ATP8A2: variants seen among roughly 807,000 people sequenced by gnomAD.
ATP8A2 encodes ATPase phospholipid transporting 8A2.
In ATP8A2, 100 loss-of-function variants were observed where a neutral mutation model predicts 165.6. The ratio of observed to expected loss-of-function variants is 0.60; its 90% CI spans 0.51 to 0.71. The LOEUF is 0.71. Ranked by LOEUF, ATP8A2 falls within the 30% of genes least tolerant of loss-of-function variation. ATP8A2 has a pLI of 0.00. For missense variants in ATP8A2, 1,227 were observed against 1,479.5 expected (o/e 0.83, Z 2.80); for synonymous variants, 543 against 548.8 (o/e 0.99, Z 0.15).
intron 33 of ATP8A2, among the ~76,000 whole-genome samples, chr13:25,876,998 A>G (rs1010325761): frequency 6.6e-6 from 1 of 152,168 alleles, no homozygotes; most frequent in Non-Finnish European, 1.5e-5. Context: ...TAAATAATTA[A>G]CAAACTTGTC....
chr13:25,909,570 A>G (rs1465317502), intron 33 of ATP8A2, among the ~76,000 whole-genome samples: 2 of 152,236 alleles, frequency 1.3e-5, no homozygotes, highest in Non-Finnish European at 2.9e-5. Flanking sequence ...AAAATACGTA[A>G]TACAATATTT....
At chr13:25,800,829 A>G (rs1950607940) in intron 27 of ATP8A2, among the ~76,000 whole-genome samples, 2 of 152,134 alleles carry the variant, frequency 1.3e-5, no homozygotes, top group Admixed American at 1.3e-4. Flanking sequence ...AAGGTGTTAC[A>G]GGAGAGATGG....
At chr13:25,576,908 G>A (rs1389201665) in intron 19 of ATP8A2, among the ~76,000 whole-genome samples, 161 bp from the exon 20 acceptor site, 1 of 152,110 alleles carries the variant, frequency 6.6e-6, no homozygotes, top group African/African-American at 2.4e-5. Context: ...AAGAGTAGGA[G>A]ATACACAGTT....
At chr13:25,478,062 C>G (rs979397231) in intron 2 of ATP8A2, among the ~76,000 whole-genome samples, 40 of 152,212 alleles carry the variant, frequency 2.6e-4, no homozygotes, top group African/African-American at 9.6e-4. Context: ...ATGTTTGGAT[C>G]TTTAATTGGA....
At chr13:25,670,391 G>A (rs936422988) in intron 24 of ATP8A2, among the ~76,000 whole-genome samples, 1 of 152,184 alleles carries the variant, frequency 6.6e-6, no homozygotes, top group Non-Finnish European at 1.5e-5. Context: ...GTTGAGCCCT[G>A]GGAGCTGGAT....
intron 2 of ATP8A2, among the ~76,000 whole-genome samples, chr13:25,526,092 A>G (rs1269468963): frequency 6.6e-6 from 1 of 151,802 alleles, no homozygotes; most frequent in African/African-American, 2.4e-5. Flanking sequence ...ACAGCCTCTA[A>G]TGAGTTTTTC....
chr13:25,794,439 G>C (rs1416944933), intron 27 of ATP8A2, among the ~76,000 whole-genome samples: 1 of 152,160 alleles, frequency 6.6e-6, no homozygotes, highest in African/African-American at 2.4e-5. Flanking sequence ...GTATGATTTT[G>C]TATAAATGCA....
intron 1 of ATP8A2, among the ~76,000 whole-genome samples, chr13:25,454,602 G>A (rs2035313645): frequency 6.6e-6 from 1 of 152,218 alleles, no homozygotes; most frequent in African/African-American, 2.4e-5. Flanking sequence ...GGTTGGCAGT[G>A]TAGAGCCAGT....
intron 24 of ATP8A2, among the ~76,000 whole-genome samples, chr13:25,639,592 G>C (rs984562411): frequency 6.6e-6 from 1 of 152,200 alleles, no homozygotes; most frequent in Non-Finnish European, 1.5e-5. Context: ...GGAGCACCCA[G>C]ATTCATAAAG....
In ATP8A2 at chr13:25,426,325, G is replaced by A. The variant is rs1368495042; in HGVS notation, c.77-42652G>A. On this transcript the variant is annotated intron_variant, in intron 1 of 36. Coordinates refer to ENST00000381655, the MANE Select transcript of ATP8A2 (RefSeq NM_016529.6). ...AAGAGTAGGAGCAAGAGACAGAGTGGTGGGGGAGGTGCCACACACTTTTAA... is the reference window on the plus strand; with the variant it reads ...AAGAGTAGGAGCAAGAGACAGAGTGATGGGGGAGGTGCCACACACTTTTAA... 2.6e-5 allele frequency among the ~76,000 whole-genome samples: 4 copies of A among 152,246 alleles called. No individual in the cohort carries two copies. In the East Asian group the frequency reaches 7.7e-4, roughly 29 times the overall value.
chr13:25,481,367 G>A (rs1198054310), intron 2 of ATP8A2, among the ~76,000 whole-genome samples: 7 of 152,226 alleles, frequency 4.6e-5, no homozygotes, highest in Non-Finnish European at 1.5e-5. Context: ...TCTCTCAGAA[G>A]AGTCACATGG....
At position 25,860,874 on chromosome 13, in the gene ATP8A2, A is replaced by C; in HGVS notation, c.3075+14A>C. 6.4e-7 allele frequency: 1 copy of C among 1,561,048 alleles called. No individual in the cohort carries two copies. The highest frequency in any genetic ancestry group is 2.3e-5 in the East Asian group (1 of 44,164). On this transcript the variant is annotated intron_variant, in intron 32 of 36. Coordinates refer to ENST00000381655, the MANE Select transcript of ATP8A2 (RefSeq NM_016529.6). ...GCTTGGACTAAAGTAAGTTTTCTCT[A>C]GAATTGTTTCTCTGTTCAGTATAGA...
At chr13:25,839,366 G>A (rs1475745805) in intron 29 of ATP8A2, among the ~76,000 whole-genome samples, 180 bp from the exon 30 acceptor site, 4 of 151,010 alleles carry the variant, frequency 2.6e-5, no homozygotes, top group African/African-American at 7.3e-5. Flanking sequence ...TCATTTGTAT[G>A]TAAAAATTAA....
chr13:25,389,603 C>T (rs936711545), intron 1 of ATP8A2, among the ~76,000 whole-genome samples: 4 of 152,222 alleles, frequency 2.6e-5, no homozygotes, highest in Non-Finnish European at 5.9e-5. Context: ...ACCTGTTTAT[C>T]AAATTCAACT....
chr13:25,705,112 G>A (rs1393582089), intron 25 of ATP8A2: 7 of 408,200 alleles, frequency 1.7e-5, no homozygotes, highest in Non-Finnish European at 3.3e-5. Flanking sequence ...GTTCAAGAAA[G>A]AGTTATCTGT....
intron 35 of ATP8A2, among the ~76,000 whole-genome samples, chr13:25,974,382 C>G (rs1593653757): frequency 6.6e-6 from 1 of 152,098 alleles, no homozygotes; most frequent in East Asian, 1.9e-4. Flanking sequence ...GGGGTGTGCC[C>G]CCTAGTCTGA....
intron 18 of ATP8A2, among the ~76,000 whole-genome samples, chr13:25,573,295 C>T (rs973592319): frequency 6.6e-6 from 1 of 152,128 alleles, no homozygotes; most frequent in African/African-American, 2.4e-5. Context: ...GCTTCCACTT[C>T]ACTCACAATG....
At chr13:25,684,356 C>T (rs1053177968) in intron 24 of ATP8A2, among the ~76,000 whole-genome samples, 1 of 152,204 alleles carries the variant, frequency 6.6e-6, no homozygotes, top group African/African-American at 2.4e-5. Flanking sequence ...TAGTCATCTC[C>T]ATTTCACATA....
At chr13:25,462,497 G>GT (rs56117614) in intron 1 of ATP8A2, among the ~76,000 whole-genome samples, 150,255 of 152,324 alleles carry the variant, frequency 0.99, 74,139 homozygotes, top group Non-Finnish European at 1. Context: ...AAGCTTCTGT[G>GT]CTTCAAGATG....
Sources: gnomAD v4.1 joint callset for allele counts (sites outside exome capture counted in the v4.1 genomes callset) on GRCh38, gnomAD v4.1.1 for gene constraint, MANE v1.5 for transcripts, NCBI Gene and HGNC (gene_info 2026-07-23, HGNC 2026-07-21) for gene names.